Variants in SYT6 observed in about 807,000 individuals in gnomAD.
SYT6 encodes the protein synaptotagmin 6, also known as synaptotagmin-6.
Under a neutral mutation model 38.4 loss-of-function variants are expected in SYT6, and 24 were observed. The ratio of observed to expected loss-of-function variants is 0.62; its 90% confidence interval spans 0.45 to 0.88. The LOEUF (loss-of-function observed/expected upper bound fraction) is 0.88. SYT6 is among the 40% of genes least tolerant of loss of function. SYT6 has a pLI of 0.00. For synonymous variants in SYT6, 265 were observed against 241.9 expected (o/e 1.10, Z -0.89); for missense variants, 611 against 621.0 (o/e 0.98, Z 0.17).
In SYT6 at chr1:114,099,140, T is replaced by G; in HGVS notation, c.1318A>C (p.Asn440His). Residue 440 changes from asparagine (N) to histidine (H), a missense_variant, in exon 5 of 8, where the codon AAC becomes CAC. Transcript: ENST00000610222. Reference sequence around the variant, plus strand: ...ATGAGCAGGCTGACTTGATCCATGTTTTCCGGGGGAATGTCAAAGATGATG... The same window carrying G: ...ATGAGCAGGCTGACTTGATCCATGTGTTCCGGGGGAATGTCAAAGATGATG... ...EAIIFDIPPENMDQVSLLISV... is the reference protein window; with the variant it reads ...EAIIFDIPPEHMDQVSLLISV... 2 of 1,614,134 alleles carry G rather than the reference T, an allele frequency of 1.2e-6. No homozygotes were observed. The highest frequency in any genetic ancestry group is 1.7e-6 in the Non-Finnish European group (2 of 1,179,978).
In SYT6 at chr1:114,133,287, C is replaced by T. The variant is rs1305529259; in HGVS notation, c.1071+4208G>A. On this transcript the variant is annotated intron_variant, in intron 3 of 7. Transcript: ENST00000610222. ...TACCAAGCACAGCACATATTTATGG[C>T]CCCAGTTACAGCCTTTGTCTCCTGC... Among the ~76,000 whole-genome samples, 4 of 152,260 alleles carry T rather than the reference C, an allele frequency of 2.6e-5. No individual in the cohort carries two copies. The East Asian group carries it at 5.8e-4, about 22-fold the overall frequency.
intron 1 of SYT6, among the ~76,000 whole-genome samples, chr1:114,148,276 C>T (rs1044585638): frequency 5.3e-5 from 8 of 152,178 alleles, no homozygotes; most frequent in South Asian, 2.1e-4. Flanking sequence ...TGCTATTGTT[C>T]CCATTTTTCT....
chr1:114,118,011 G>A (rs76760489), intron 3 of SYT6, among the ~76,000 whole-genome samples: 14,387 of 152,246 alleles, frequency 0.094, 847 homozygotes, highest in Non-Finnish European at 0.14. Flanking sequence ...GCGGCCTCTG[G>A]CCGCTAGTGG....
intron 3 of SYT6, among the ~76,000 whole-genome samples, chr1:114,116,938 C>T (rs1201255175): frequency 6.6e-6 from 1 of 152,198 alleles, no homozygotes; most frequent in Non-Finnish European, 1.5e-5. Context: ...AACCAAGAAC[C>T]TTCCCTTGGC....
At chr1:114,114,650 C>T (rs772947856) in intron 3 of SYT6, among the ~76,000 whole-genome samples, 9 of 152,144 alleles carry the variant, frequency 5.9e-5, no homozygotes, top group South Asian at 2.1e-4. Context: ...TCTCTGGAGG[C>T]GGGGCCTGGA....
In SYT6 at chr1:114,091,283, G is replaced by T. The variant is rs374624905; in HGVS notation, c.*851C>A. ...AACAAATGTGATCATTAACTGTGGCGCATCAGAAAACATATGGCGTGTTTA... is the reference window on the plus strand; with the variant it reads ...AACAAATGTGATCATTAACTGTGGCTCATCAGAAAACATATGGCGTGTTTA... On this transcript the variant is annotated 3_prime_UTR_variant, in exon 8 of 8. Transcript: ENST00000610222. The T allele has an allele frequency of 6.5e-6, 1 of 152,708 alleles. No homozygotes were observed. Among genetic ancestry groups the T allele is most frequent in the East Asian group, 1.9e-4 (1 of 5,338 alleles). The allele number at this position is 152,708 out of a possible 1,614,324, so 9.5% of individuals were successfully genotyped here. A position where few individuals can be genotyped will look rare whatever the true frequency, so the allele number is the denominator to read the frequency against.
chr1:114,153,177 A>T (rs1029848372), intron 1 of SYT6, among the ~76,000 whole-genome samples: 3 of 152,170 alleles, frequency 2.0e-5, no homozygotes, highest in African/African-American at 7.2e-5. Context: ...GGACAGACCG[A>T]CGCACGGACC....
chr1:114,153,726 A>G lies in SYT6; in HGVS notation c.47T>C (p.Leu16Pro). 1.5e-6 allele frequency: 1 copy of G among 682,700 alleles called. No individual in the cohort carries two copies. The highest frequency in any genetic ancestry group is 2.9e-5 in the East Asian group (1 of 34,038). 42.3% of individuals were successfully genotyped at this position (682,700 alleles called of 1,614,324 possible). A position where few individuals can be genotyped will look rare whatever the true frequency, so the allele number is the denominator to read the frequency against. The change falls in exon 1 of 8, where the codon CTC becomes CCC. Residue 16 changes from leucine (L) to proline (P), a missense_variant. By Grantham distance (98) the Leu-to-Pro change is moderately conservative (BLOSUM62 -3). Coordinates refer to ENST00000610222, the MANE Select transcript of SYT6 (RefSeq NM_001253772.2). ...CCGGCACAGCGAGGCGAGGACCGCG[A>G]GCGCCTCCTGGCACCGAGGCCCGCC... ...GAGGPRCQEALAVLASLCRAR... is the reference protein window; with the variant it reads ...GAGGPRCQEAPAVLASLCRAR...
At chr1:114,142,580 C>T (rs572480290) in intron 1 of SYT6, among the ~76,000 whole-genome samples, 13 of 152,270 alleles carry the variant, frequency 8.5e-5, no homozygotes, top group South Asian at 4.1e-4. Context: ...AGGATTGACT[C>T]CAATTTTGAA....
chr1:114,102,941 C>T (rs72988605), intron 4 of SYT6, among the ~76,000 whole-genome samples: 2,478 of 152,304 alleles, frequency 0.016, 62 homozygotes, highest in African/African-American at 0.054. Context: ...TCTGACACTA[C>T]GTCCATCCTG....
rs540117943 is a variant in SYT6 at position 114,139,930 on chromosome 1, A to G, written c.197T>C (p.Ile66Thr). 6.6e-7 allele frequency: 1 copy of G among 1,521,564 alleles called. No individual in the cohort carries two copies. The highest frequency in any genetic ancestry group is 2.3e-5 in the East Asian group (1 of 44,026). The allele number at this position is 1,521,564 out of a possible 1,614,324, so 94.3% of individuals were successfully genotyped here. The change falls in exon 2 of 8, where the codon ATT (isoleucine) becomes ACT (threonine). Residue 66 changes from isoleucine (I) to threonine (T), a missense_variant. Ile to Thr is a moderately conservative substitution (Grantham distance 89, BLOSUM62 -1). Transcript: ENST00000610222. ...TGCCACCAGGGCCACGCCACACACA[A>G]TAACTACAACTGCGAGGAGGCTGAC... ...TSVSLLAVVV[I>T]VCGVALVAVF... is the part of the protein sequence containing the mutation.
chr1:114,149,282 CCA>C lies in SYT6; in HGVS notation c.163+4326_163+4327del, dbSNP rs1557772707. On this transcript the variant is annotated intron_variant, in intron 1 of 7. Transcript: ENST00000610222. Reference sequence around the variant, plus strand: ...TTCTGTACTGAGGCTCAGACGTGGCCCATTAATAATTAATAATAAGCTCTGCC... The same window carrying C: ...TTCTGTACTGAGGCTCAGACGTGGCCTTAATAATTAATAATAAGCTCTGCC... Among the ~76,000 whole-genome samples the C allele has an allele frequency of 9.3e-5, 3 of 32,342 alleles. No homozygotes were observed. In the African/African-American group the frequency reaches 1.1e-3, roughly 12 times the overall value. The allele number at this position is 32,342 out of a possible 152,430, so 21.2% of individuals were successfully genotyped here.
intron 3 of SYT6, among the ~76,000 whole-genome samples, chr1:114,131,542 G>A (rs905590345): frequency 1.3e-5 from 2 of 152,176 alleles, no homozygotes; most frequent in African/African-American, 4.8e-5. Flanking sequence ...TCCTGAACTG[G>A]TCTGTCCCCA....
chr1:114,108,330 T>C (rs1276204338), intron 3 of SYT6, among the ~76,000 whole-genome samples: 1 of 152,218 alleles, frequency 6.6e-6, no homozygotes, highest in Non-Finnish European at 1.5e-5. Context: ...ATTAAAGCAC[T>C]TCTCTCTACT....
At chr1:114,128,673 T>C (rs920752765) in intron 3 of SYT6, among the ~76,000 whole-genome samples, 2 of 152,230 alleles carry the variant, frequency 1.3e-5, no homozygotes, top group African/African-American at 4.8e-5. Flanking sequence ...TCTTACTTGA[T>C]TGGTCATAGC....
intron 3 of SYT6, among the ~76,000 whole-genome samples, chr1:114,104,090 A>T (rs1385622297): frequency 6.6e-6 from 1 of 152,066 alleles, no homozygotes; most frequent in Non-Finnish European, 1.5e-5. Flanking sequence ...CACCCTTCTC[A>T]GTCACTGACC....
chr1:114,099,130 T>C lies in SYT6; in HGVS notation c.1328A>G (p.Gln443Arg). The C allele has an allele frequency of 6.2e-7, 1 of 1,614,054 alleles. No individual in the cohort carries two copies. The change falls in exon 5 of 8, where the codon CAA becomes CGA. Residue 443 changes from glutamine to arginine, a missense_variant. Physicochemically the swap from Gln to Arg is conservative, Grantham distance 43. Transcript: ENST00000610222. Reference sequence around the variant, plus strand: ...CATGACTGAGATGAGCAGGCTGACTTGATCCATGTTTTCCGGGGGAATGTC... The same window carrying C: ...CATGACTGAGATGAGCAGGCTGACTCGATCCATGTTTTCCGGGGGAATGTC... ...IFDIPPENMD[Q>R]VSLLISVMDY... is the part of the protein sequence containing the mutation.
chr1:114,142,814 G>A, intron 1 of SYT6, among the ~76,000 whole-genome samples: 1 of 152,012 alleles, frequency 6.6e-6, no homozygotes, highest in Non-Finnish European at 1.5e-5. Flanking sequence ...ACTCACTGAA[G>A]GCTCATTTTT....
intron 3 of SYT6, among the ~76,000 whole-genome samples, chr1:114,120,007 C>A (rs1036219446): frequency 4.0e-5 from 6 of 149,896 alleles, no homozygotes; most frequent in Admixed American, 1.3e-4. Flanking sequence ...GGAGGCGGAA[C>A]TTGCAGTGAG....
Sources: allele counts gnomAD v4.1 joint callset (sites outside exome capture counted in the v4.1 genomes callset), GRCh38; gene constraint gnomAD v4.1.1; transcripts MANE v1.5; gene names NCBI Gene and HGNC (gene_info 2026-07-23, HGNC 2026-07-21).